The following ARHGAP33 variants were observed in gnomAD, a reference collection of about 807,000 sequenced individuals.
ARHGAP33 encodes rho GTPase-activating protein 33.
A neutral mutation model predicts 126.2 loss-of-function variants in ARHGAP33; 57 were observed. The ratio of observed to expected loss-of-function variants is 0.45; its 90% CI spans 0.36 to 0.56. The LOEUF (loss-of-function observed/expected upper bound fraction) is 0.56, where lower values mean the gene tolerates loss of function less well. Among genes scored for constraint, ARHGAP33 ranks in the 20% least tolerant of loss-of-function variants. The probability of loss-of-function intolerance (pLI) is 0.00; values close to 1 mark genes in which losing one functional copy is unlikely to be tolerated. For missense variants in ARHGAP33, 1,500 were observed against 1,748.3 expected, an observed-to-expected ratio of 0.86 and a Z score of 2.53; for synonymous variants, 711 against 755.0, an observed-to-expected ratio of 0.94 and a Z score of 0.95.
rs757558694 is a variant in ARHGAP33 at position 35,787,354 on chromosome 19, C to T, written c.2789C>T (p.Pro930Leu). ...GGCACCCCACCTGCTTCCCAATCCC[C>T]CTTCCACCGCTCGCTGTCTCTGGAG... ...CGGTPPASQS[P>L]FHRSLSLEVG... The change falls in exon 21 of 21, where the codon CCC (proline) becomes CTC (leucine). Residue 930 changes from proline (P) to leucine (L), a missense_variant. Pro to Leu is a moderately conservative substitution (Grantham distance 98). Around this residue, in one of 6 missense-constraint regions of ARHGAP33, gnomAD observed 642 missense variants for 634.0 expected, o/e 1.01. Coordinates refer to ENST00000007510, the MANE Select transcript of ARHGAP33 (RefSeq NM_001366178.1). 1.2e-6 allele frequency: 2 copies of T among 1,610,890 alleles called. No individual in the cohort carries two copies. Among genetic ancestry groups the T allele is most frequent in the East Asian group, 2.2e-5 (1 of 44,816 alleles).
chr19:35,788,342 AAG>A lies in ARHGAP33; in HGVS notation c.3780_3781del (p.Glu1262GlyfsTer18). 1.9e-6 allele frequency: 3 copies of A among 1,607,358 alleles called. No individual in the cohort carries two copies. Among genetic ancestry groups the A allele is most frequent in the Non-Finnish European group, 2.5e-6 (3 of 1,177,720 alleles). Reference sequence around the variant, plus strand: ...GGTCCTTGTACAGAAATGGAGGGCAAAGAGGGGAGGGGGCTGGTCCCCCACCC... The same window carrying A: ...GGTCCTTGTACAGAAATGGAGGGCAAAGGGGAGGGGGCTGGTCCCCCACCC... Reference protein sequence around the residue: ...RGSLYRNGGQRGEGAGPPPPY... With the variant: ...RGSLYRNGGQXGEGAGPPPPY... On this transcript the variant is annotated frameshift_variant, in exon 21 of 21. Transcript: ENST00000007510. LOFTEE classifies it high-confidence loss of function.
Position 35,787,072 on chromosome 19 carries a change from G to T in ARHGAP33, c.2602G>T (p.Gly868Cys), listed in dbSNP as rs540199604. The part of the protein sequence containing the change: ...SKLRGAQGPL[G>C]PDMESPLPPP... ...GCTCCGGGGAGCCCAGGGCCCACTC[G>T]GTGAGTCCTCAGCCTACCCCACCCC... Residue 868 changes from glycine (G) to cysteine (C), a missense_variant and splice_region_variant, in exon 20 of 21, where the codon GGT (glycine) becomes TGT (cysteine). By Grantham distance (159) the Gly-to-Cys change is radical. Transcript: ENST00000007510. The T allele has an allele frequency of 2.5e-6, 4 of 1,601,430 alleles. No homozygotes were observed. Among genetic ancestry groups the T allele is most frequent in the African/African-American group, 2.7e-5 (2 of 74,460 alleles).
intron 1 of ARHGAP33, among the ~76,000 whole-genome samples, chr19:35,776,874 G>A (rs1782864298): frequency 6.6e-6 from 1 of 152,236 alleles, no homozygotes; most frequent in Non-Finnish European, 1.5e-5. Context: ...GAGATGCCAG[G>A]TGCAGCCTGA....
In ARHGAP33 at chr19:35,785,010, T is replaced by C; in HGVS notation, c.1625T>C (p.Leu542Pro). 4 of 1,549,102 alleles carry C rather than the reference T, an allele frequency of 2.6e-6. No homozygotes were observed. The highest frequency in any genetic ancestry group is 3.5e-6 in the Non-Finnish European group (4 of 1,147,194). ...GCGGGCAGCTGCCCCTCCACCCGCC[T>C]GCTGACGCTGGAGGAAGCCCAGGCA... ...SLAGSCPSTRLLTLEEAQART... is the reference protein window; with the variant it reads ...SLAGSCPSTRPLTLEEAQART... Residue 542 changes from leucine (L) to proline (P), a missense_variant, in exon 17 of 21, where the codon CTG becomes CCG. Leu to Pro is a moderately conservative substitution (Grantham distance 98). Around this residue, in one of 6 missense-constraint regions of ARHGAP33, gnomAD observed 300 missense variants for 291.1 expected, o/e 1.03. Transcript: ENST00000007510.
intron 1 of ARHGAP33, among the ~76,000 whole-genome samples, chr19:35,776,011 C>T (rs1971435952): frequency 6.6e-6 from 1 of 151,842 alleles, no homozygotes; most frequent in Admixed American, 6.5e-5. Context: ...CCAGCACCTT[C>T]CTCGGCATCC....
chr19:35,785,962 C>T, intron 19 of ARHGAP33: 3 of 1,080,294 alleles, frequency 2.8e-6, no homozygotes, highest in South Asian at 3.2e-5. Flanking sequence ...AAAGGGATGC[C>T]GCACTGTATG....
At chr19:35,783,673 C>G (rs1971927630) in intron 15 of ARHGAP33, among the ~76,000 whole-genome samples, 1 of 151,986 alleles carries the variant, frequency 6.6e-6, no homozygotes, top group Non-Finnish European at 1.5e-5. Context: ...GGGGACCAGA[C>G]AGAGGGGTGA....
At position 35,786,647 on chromosome 19, in the gene ARHGAP33, T is replaced by G. The variant is rs1396463877; in HGVS notation, c.2177T>G (p.Phe726Cys). The change falls in exon 20 of 21, where the codon TTC becomes TGC. Residue 726 changes from phenylalanine to cysteine, a missense_variant. Around this residue, in one of 6 missense-constraint regions of ARHGAP33, gnomAD observed 300 missense variants for 291.1 expected, o/e 1.03. Coordinates refer to ENST00000007510, the MANE Select transcript of ARHGAP33 (RefSeq NM_001366178.1). This position sits in a 1 kb window ranked among gnomAD's most constrained non-coding sequence, Gnocchi z 7.0. Reference protein sequence around the residue: ...AWLDDGDELDFSPPRCLEGLR... With the variant: ...AWLDDGDELDCSPPRCLEGLR... The stretch of plus-strand genomic sequence containing the variant: ...CTAGATGATGGTGATGAGCTGGACT[T>G]CAGCCCACCCCGCTGCCTGGAGGGA... The G allele has an allele frequency of 1.3e-6, 2 of 1,535,706 alleles. No individual in the cohort carries two copies. The highest frequency in any genetic ancestry group is 4.9e-5 in the East Asian group (2 of 40,894).
At chr19:35,780,019 G>A (rs1221654839) in intron 6 of ARHGAP33, 192 bp from the exon 7 acceptor site, 1 of 808,166 alleles carries the variant, frequency 1.2e-6, no homozygotes. Context: ...TTTCTTAGAG[G>A]TTTCCCCACC....
chr19:35,785,264 G>C lies in ARHGAP33; in HGVS notation c.1797G>C (p.Arg599=), dbSNP rs1335343655. The change falls in exon 18 of 21, where the codon CGG becomes CGC. Residue 599 remains arginine (R), a synonymous_variant. Transcript: ENST00000007510. ...GGAAGACGTTCTTTGCACTGGGCCG[G>C]GGCCCCAGTGTCCCTCGAAAGAAGC... The part of the protein sequence containing the change: ...SSWKTFFALG[R]GPSVPRKKPL... 6.3e-6 allele frequency: 10 copies of C among 1,596,218 alleles called. No individual in the cohort carries two copies. Among genetic ancestry groups the C allele is most frequent in the Non-Finnish European group, 8.5e-6 (10 of 1,171,038 alleles).
At position 35,782,998 on chromosome 19, in the gene ARHGAP33, G is replaced by C; in HGVS notation, c.1421+129G>C. The C allele has an allele frequency of 1.3e-6, 1 of 795,660 alleles. No individual in the cohort carries two copies. The highest frequency in any genetic ancestry group is 2.0e-6 in the Non-Finnish European group (1 of 495,882). 49.3% of individuals were successfully genotyped at this position (795,660 alleles called of 1,614,324 possible). A position where few individuals can be genotyped will look rare whatever the true frequency, so the allele number is the denominator to read the frequency against. ...AAATACCTCCCATGGACCTGGCCCC[G>C]TCCCTAGCACTGGGGACCCAGCACT... is the stretch of plus-strand genomic sequence containing the variant. On this transcript the variant is annotated intron_variant, in intron 15 of 20. Coordinates refer to ENST00000007510, the MANE Select transcript of ARHGAP33 (RefSeq NM_001366178.1). The surrounding 1 kb of genome is among the most constrained non-coding windows in gnomAD (Gnocchi z 4.1).
At position 35,784,992 on chromosome 19, in the gene ARHGAP33, G is replaced by A; in HGVS notation, c.1607G>A (p.Ser536Asn). 1.3e-6 allele frequency: 2 copies of A among 1,546,444 alleles called. No individual in the cohort carries two copies. The highest frequency in any genetic ancestry group is 2.4e-5 in the East Asian group (1 of 40,930). Reference sequence around the variant, plus strand: ...CCCAGGCCCAAGTCCCTTGCGGGCAGCTGCCCCTCCACCCGCCTGCTGACG... The same window carrying A: ...CCCAGGCCCAAGTCCCTTGCGGGCAACTGCCCCTCCACCCGCCTGCTGACG... ...LLPRPKSLAG[S>N]CPSTRLLTLE... The change falls in exon 17 of 21, where the codon AGC becomes AAC. Residue 536 changes from serine (S) to asparagine (N), a missense_variant. Physicochemically the swap from Ser to Asn is conservative, Grantham distance 46. Around this residue, in one of 6 missense-constraint regions of ARHGAP33, gnomAD observed 300 missense variants for 291.1 expected, o/e 1.03. Transcript: ENST00000007510.
At position 35,777,671 on chromosome 19, in the gene ARHGAP33, C is replaced by T; in HGVS notation, c.33C>T (p.Gly11=). MVARSTDSLD[G]PGEGSVQPLP... ...CACGCAGCACTGACAGCCTGGATGGCCCAGGGGAGGGCTCGGTGCAGCCTC... is the reference window on the plus strand; with the variant it reads ...CACGCAGCACTGACAGCCTGGATGGTCCAGGGGAGGGCTCGGTGCAGCCTC... Residue 11 remains glycine, a synonymous_variant, in exon 2 of 21, where the codon GGC becomes GGT. Transcript: ENST00000007510. The T allele has an allele frequency of 6.3e-7, 1 of 1,582,536 alleles. No homozygotes were observed. The highest frequency in any genetic ancestry group is 8.6e-7 in the Non-Finnish European group (1 of 1,163,912).
Position 35,786,736 on chromosome 19 carries a change from G to A in ARHGAP33, c.2266G>A (p.Ala756Thr), listed in dbSNP as rs1049542431. Residue 756 changes from alanine to threonine, a missense_variant, in exon 20 of 21, where the codon GCA becomes ACA. Transcript: ENST00000007510. This position sits in a 1 kb window ranked among gnomAD's most constrained non-coding sequence, Gnocchi z 7.0. ...RCSSPTPGDP[A>T]PPASPAPPAP... ...CAGCAGCCCCACCCCAGGGGATCCC[G>A]CACCTCCCGCCAGCCCAGCACCCCC... 1 of 1,526,728 alleles carries A rather than the reference G, an allele frequency of 6.5e-7. No homozygotes were observed. The highest frequency in any genetic ancestry group is 8.8e-7 in the Non-Finnish European group (1 of 1,142,010). The allele number at this position is 1,526,728 out of a possible 1,614,324, so 94.6% of individuals were successfully genotyped here. A position where few individuals can be genotyped will look rare whatever the true frequency, so the allele number is the denominator to read the frequency against.
chr19:35,786,681 G>A lies in ARHGAP33; in HGVS notation c.2211G>A (p.Gly737=). Residue 737 remains glycine, a synonymous_variant, in exon 20 of 21, where the codon GGG becomes GGA. Transcript: ENST00000007510. The surrounding 1 kb of genome is among the most constrained non-coding windows in gnomAD (Gnocchi z 7.0). ...SPPRCLEGLR[G]LDFDPLTFRC... ...CCCGCTGCCTGGAGGGACTCCGGGG[G>A]CTGGACTTTGATCCCTTAACCTTCC... 2 of 1,535,690 alleles carry A rather than the reference G, an allele frequency of 1.3e-6. No individual in the cohort carries two copies. Among genetic ancestry groups the A allele is most frequent in the Non-Finnish European group, 1.7e-6 (2 of 1,146,750 alleles).
At chr19:35,778,208 C>T (rs1209658647) in intron 3 of ARHGAP33, 72 bp from the exon 4 acceptor site, 3 of 1,529,710 alleles carry the variant, frequency 2.0e-6, no homozygotes, top group Non-Finnish European at 2.7e-6. Flanking sequence ...CAAACCCGTC[C>T]CTAGATAGTG....
chr19:35,780,637 G>T lies in ARHGAP33; in HGVS notation c.758G>T (p.Gly253Val), dbSNP rs147592000. The T allele has an allele frequency of 3.3e-5, 53 of 1,601,716 alleles. No homozygotes were observed. The highest frequency in any genetic ancestry group is 3.0e-4 in the Admixed American group (18 of 59,330). ...VELFTERPGP[G>V]LKADADGPPC... is the part of the protein sequence containing the mutation. ...CTCTTCACAGAGCGGCCAGGTCCGG[G>T]CCTGAAGGCGGGTAAGTGCCATGGA... Residue 253 changes from glycine (G) to valine (V), a missense_variant, in exon 9 of 21, where the codon GGC becomes GTC. This residue lies in a region of ARHGAP33 where 281 missense variants were observed against 413.7 expected (regional missense o/e 0.68). Transcript: ENST00000007510.
chr19:35,786,676 C>T lies in ARHGAP33; in HGVS notation c.2206C>T (p.Arg736Trp), dbSNP rs1440546705. 9 of 1,535,590 alleles carry T rather than the reference C, an allele frequency of 5.9e-6. No homozygotes were observed. The highest frequency in any genetic ancestry group is 1.7e-4 in the Middle Eastern group (1 of 5,904). Reference protein sequence around the residue: ...FSPPRCLEGLRGLDFDPLTFR... With the variant: ...FSPPRCLEGLWGLDFDPLTFR... ...CCCACCCCGCTGCCTGGAGGGACTC[C>T]GGGGGCTGGACTTTGATCCCTTAAC... Residue 736 changes from arginine (R) to tryptophan (W), a missense_variant, in exon 20 of 21, where the codon CGG becomes TGG. Arg to Trp is a moderately radical substitution (Grantham distance 101, BLOSUM62 -3). Around this residue, in one of 6 missense-constraint regions of ARHGAP33, gnomAD observed 73 missense variants for 110.8 expected, o/e 0.66. Transcript: ENST00000007510. This position sits in a 1 kb window ranked among gnomAD's most constrained non-coding sequence, Gnocchi z 7.0.
chr19:35,776,239 C>T (rs1971452152), intron 1 of ARHGAP33, among the ~76,000 whole-genome samples: 1 of 151,650 alleles, frequency 6.6e-6, no homozygotes, highest in Non-Finnish European at 1.5e-5. Context: ...TTCCTTACTC[C>T]ACCCCAACAG....
Sources: allele counts gnomAD v4.1 joint callset (sites outside exome capture counted in the v4.1 genomes callset), GRCh38; gene constraint gnomAD v4.1.1; regional missense constraint gnomAD v4.1.1; non-coding constraint Gnocchi (gnomAD v3.1); transcripts MANE v1.5; gene names NCBI Gene and HGNC (gene_info 2026-07-23, HGNC 2026-07-21).